TNRC18: variants seen among roughly 807,000 people sequenced by gnomAD.
The protein encoded by TNRC18 is trinucleotide repeat containing 18, also known as trinucleotide repeat-containing gene 18 protein.
TNRC18 carries 69 observed loss-of-function variants against 226.7 expected under a neutral mutation model. The observed-to-expected ratio is 0.30, with a 90% CI of 0.25 to 0.37. The LOEUF (loss-of-function observed/expected upper bound fraction) is 0.37. Among genes scored for constraint, TNRC18 ranks in the 10% least tolerant of loss-of-function variants. The pLI, the probability that TNRC18 is intolerant of heterozygous loss-of-function variation, is 1.00. For synonymous variants in TNRC18, 2,449 were observed against 1,927.6 expected (o/e 1.27, Z -7.09); for missense variants, 4,754 against 4,256.6 (o/e 1.12, Z -3.25).
At chr7:5,336,169 T>C (rs879101724) in intron 18 of TNRC18, among the ~76,000 whole-genome samples, 4 of 147,604 alleles carry the variant, frequency 2.7e-5, no homozygotes, top group Admixed American at 2.1e-4. Context: ...ATCACACCAC[T>C]GCACTCCAGC....
At chr7:5,404,595 A>G (rs2128212468) in intron 2 of TNRC18, among the ~76,000 whole-genome samples, 1 of 152,188 alleles carries the variant, frequency 6.6e-6, no homozygotes, top group East Asian at 1.9e-4. Flanking sequence ...CTTTTGGAAA[A>G]CAAATCCGCA....
Position 5,316,091 on chromosome 7 carries a change from C to T in TNRC18, c.6746-19G>A. On this transcript the variant is annotated intron_variant, in intron 24 of 29. Coordinates refer to ENST00000430969, the MANE Select transcript of TNRC18 (RefSeq NM_001080495.3). ...AGTAACCCTGTGGGAAGAGGGGAGG[C>T]TCAGGGGAGGCCCTCGGACCTCCAG... The T allele has an allele frequency of 6.2e-7, 1 of 1,600,410 alleles. No homozygotes were observed. Among genetic ancestry groups the T allele is most frequent in the Non-Finnish European group, 8.5e-7 (1 of 1,171,040 alleles).
chr7:5,345,517 G>GGGGGGGGGGCGCCCCCCCC, intron 18 of TNRC18, 45 bp downstream of exon 18: 1 of 377,742 alleles, frequency 2.6e-6, no homozygotes, highest in Non-Finnish European at 4.8e-6. Context: ...AATGGCGTCC[G>GGGGGGGGGGCGCCCCCCCC]CCCCTCCCAC....
intron 5 of TNRC18, among the ~76,000 whole-genome samples, chr7:5,385,060 T>G (rs1033042318): frequency 4.6e-5 from 7 of 152,054 alleles, no homozygotes; most frequent in Non-Finnish European, 1.0e-4. Flanking sequence ...CGGTCCAAGG[T>G]GGCTCCACCG....
At position 5,307,063 on chromosome 7, in the gene TNRC18, A is replaced by T. The variant is rs1333149228; in HGVS notation, c.*1043T>A. ...TGCCTCTCCCTCTTCTCTCCCTAAC[A>T]AACACTTCTCTATCCTGGGGGGTGA... On this transcript the variant is annotated 3_prime_UTR_variant, in exon 30 of 30. Coordinates refer to ENST00000430969, the MANE Select transcript of TNRC18 (RefSeq NM_001080495.3). The T allele has an allele frequency of 2.7e-5, 4 of 147,712 alleles. No individual in the cohort carries two copies. The highest frequency in any genetic ancestry group is 6.7e-5 in the Admixed American group (1 of 14,878). 9.2% of individuals were successfully genotyped at this position (147,712 alleles called of 1,614,324 possible).
chr7:5,340,283 G>C (rs1790556970), intron 18 of TNRC18, among the ~76,000 whole-genome samples: 2 of 152,212 alleles, frequency 1.3e-5, no homozygotes, highest in African/African-American at 4.8e-5. Context: ...GAGTGATCTG[G>C]AGAGAAGATC....
At chr7:5,390,405 G>T in intron 4 of TNRC18, 80 bp downstream of exon 4, 1 of 1,453,254 alleles carries the variant, frequency 6.9e-7, no homozygotes, top group East Asian at 2.3e-5. Flanking sequence ...AGAGCTGGGG[G>T]CTACCTGGAT....
At chr7:5,367,161 T>A (rs1232875701) in intron 11 of TNRC18, among the ~76,000 whole-genome samples, 3 of 151,918 alleles carry the variant, frequency 2.0e-5, no homozygotes, top group South Asian at 2.1e-4. Context: ...GGCCAGGAGT[T>A]CAAGACCAGC....
At position 5,308,316 on chromosome 7, in the gene TNRC18, C is replaced by T. The variant is rs757110870; in HGVS notation, c.8701-4G>A. ...GCGAGGACTGGTATAGCGCGCGCTG[C>T]GGGCACGCGGGGATATCAGGATGGC... On this transcript the variant is annotated splice_region_variant and splice_polypyrimidine_tract_variant and intron_variant, in intron 29 of 29. Coordinates refer to ENST00000430969, the MANE Select transcript of TNRC18 (RefSeq NM_001080495.3). 43 of 1,606,062 alleles carry T rather than the reference C, an allele frequency of 2.7e-5. No homozygotes were observed. The Admixed American group carries it at 3.1e-4, about 11-fold the overall frequency.
At position 5,370,906 on chromosome 7, in the gene TNRC18, C is replaced by A. The variant is rs202017770; in HGVS notation, c.3688G>T (p.Val1230Leu). Residue 1230 changes from valine to leucine, a missense_variant, in exon 11 of 30, where the codon GTG becomes TTG. Physicochemically the swap from Val to Leu is conservative, Grantham distance 32. Coordinates refer to ENST00000430969, the MANE Select transcript of TNRC18 (RefSeq NM_001080495.3). ...PDFVEGPEPR[V>L]DSPGRTEPCT... Reference sequence around the variant, plus strand: ...GGTTCTGTCCGGCCCGGGGAATCCACCCGTGGTTCAGGCCCCTCCACAAAG... The same window carrying A: ...GGTTCTGTCCGGCCCGGGGAATCCAACCGTGGTTCAGGCCCCTCCACAAAG... 2.5e-6 allele frequency: 4 copies of A among 1,606,050 alleles called. No individual in the cohort carries two copies. In the African/African-American group the frequency reaches 5.3e-5, roughly 21 times the overall value.
Position 5,309,760 on chromosome 7 carries a change from C to T in TNRC18, c.8389-392G>A, listed in dbSNP as rs141205013. The stretch of plus-strand genomic sequence containing the variant: ...CTGAGAATACAGGCGCACACCACGC[C>T]CGGCTAATTTTGATTATTTTTGTAG... On this transcript the variant is annotated intron_variant, in intron 27 of 29. Transcript: ENST00000430969. The surrounding 1 kb of genome is among the most constrained non-coding windows in gnomAD (Gnocchi z 5.7). Among the ~76,000 whole-genome samples the T allele has an allele frequency of 3.5e-3, 534 of 152,294 alleles. 5 individuals are homozygous for T. Among genetic ancestry groups the T allele is most frequent in the African/African-American group, 0.012 (518 of 41,564 alleles).
intron 5 of TNRC18, among the ~76,000 whole-genome samples, chr7:5,382,745 G>C (rs1326518070): frequency 6.6e-6 from 1 of 152,040 alleles, no homozygotes; most frequent in African/African-American, 2.4e-5. Context: ...TCAGCTCAGG[G>C]CTCCCCGCTC....
chr7:5,338,831 A>C (rs1029899770), intron 18 of TNRC18, among the ~76,000 whole-genome samples: 4 of 150,586 alleles, frequency 2.7e-5, no homozygotes, highest in Non-Finnish European at 3.0e-5. Context: ...GAGGCAGGAG[A>C]ATCACTTGAA....
Position 5,370,664 on chromosome 7 carries a change from G to T in TNRC18, c.3930C>A (p.Pro1310=). ...TGCCGAGTACAGGCACGGCCTCTTG[G>T]GGCTCCAGGCTCGGGCACTGTCCCT... ...AGEGQCPSLE[P]QEAVPVLGST... is the part of the protein sequence containing the mutation. Residue 1310 remains proline, a synonymous_variant, in exon 11 of 30, where the codon CCC becomes CCA. Coordinates refer to ENST00000430969, the MANE Select transcript of TNRC18 (RefSeq NM_001080495.3). 3 of 1,612,750 alleles carry T rather than the reference G, an allele frequency of 1.9e-6. No individual in the cohort carries two copies. Among genetic ancestry groups the T allele is most frequent in the Non-Finnish European group, 2.5e-6 (3 of 1,179,724 alleles).
At chr7:5,343,397 C>A (rs1202975239) in intron 18 of TNRC18, among the ~76,000 whole-genome samples, 1 of 152,134 alleles carries the variant, frequency 6.6e-6, no homozygotes, top group East Asian at 1.9e-4. Flanking sequence ...TAAGAGACTA[C>A]AGGATAGTGT....
intron 10 of TNRC18, 30 bp from the exon 11 acceptor site, chr7:5,371,394 G>A (rs1216051961): frequency 2.0e-6 from 3 of 1,487,798 alleles, no homozygotes; most frequent in South Asian, 2.7e-5. Flanking sequence ...CAGCATGGGA[G>A]CCCTAGGATC....
chr7:5,415,642 A>G (rs535357140), intron 2 of TNRC18, among the ~76,000 whole-genome samples: 20 of 150,452 alleles, frequency 1.3e-4, no homozygotes, highest in Non-Finnish European at 2.7e-4. Context: ...AGGCCTCCCA[A>G]AGTGCTAGGA....
chr7:5,373,160 AAAAT>A (rs1001292283), intron 10 of TNRC18, among the ~76,000 whole-genome samples: 2 of 152,126 alleles, frequency 1.3e-5, no homozygotes, highest in African/African-American at 4.8e-5. Context: ...CTCCGTCTCA[AAAAT>A]AAATAAATAA....
At chr7:5,341,313 G>A (rs1790659103) in intron 18 of TNRC18, among the ~76,000 whole-genome samples, 1 of 151,556 alleles carries the variant, frequency 6.6e-6, no homozygotes, top group Non-Finnish European at 1.5e-5. Flanking sequence ...CACCTACTCG[G>A]GAGGCTGAGG....
Sources: allele counts gnomAD v4.1 joint callset (sites outside exome capture counted in the v4.1 genomes callset), GRCh38; gene constraint gnomAD v4.1.1; non-coding constraint Gnocchi (gnomAD v3.1); transcripts MANE v1.5; gene names NCBI Gene and HGNC (gene_info 2026-07-23, HGNC 2026-07-21).